The following CR1L variants were observed in gnomAD, a reference collection of about 807,000 sequenced individuals.
CR1L encodes complement component receptor 1-like protein.
In CR1L, 59 loss-of-function variants were observed where a neutral mutation model predicts 62.3. The observed-to-expected ratio is 0.95, with a 90% CI of 0.77 to 1.18. The LOEUF is 1.18. Among genes scored for constraint, CR1L ranks in the 50% most tolerant of loss-of-function variants. The pLI, the probability that CR1L is intolerant of heterozygous loss-of-function variation, is 0.00. For synonymous variants in CR1L, 279 were observed against 248.7 expected, an observed-to-expected ratio of 1.12 and a Z score of -1.15; for missense variants, 700 against 702.8, an observed-to-expected ratio of 1.00 and a Z score of 0.04.
chr1:207,645,364 C>A (rs753271136), intron 1 of CR1L, 34 bp downstream of exon 1: 77 of 1,608,048 alleles, frequency 4.8e-5, no homozygotes, highest in Non-Finnish European at 6.4e-5. Flanking sequence ...GCGTCCGCGG[C>A]GAGGCTAGAG....
chr1:207,668,696 G>A (rs963774493), intron 1 of CR1L, among the ~76,000 whole-genome samples: 1 of 150,960 alleles, frequency 6.6e-6, no homozygotes, highest in Non-Finnish European at 1.5e-5. Flanking sequence ...CTAACCTTAA[G>A]AAAGGAAGTA....
intron 3 of CR1L, among the ~76,000 whole-genome samples, chr1:207,680,799 A>G (rs562083865): frequency 3.9e-5 from 6 of 152,294 alleles, no homozygotes; most frequent in African/African-American, 1.2e-4. Flanking sequence ...TCAGATCACT[A>G]CGCCTTTTCA....
intron 1 of CR1L, among the ~76,000 whole-genome samples, chr1:207,659,945 G>C (rs530325103): frequency 2.6e-5 from 4 of 152,336 alleles, no homozygotes; most frequent in Admixed American, 2.0e-4. Flanking sequence ...GAACTTGGCT[G>C]GGGGAGGAGC....
At chr1:207,715,407 A>T in intron 10 of CR1L, 1 of 1,542,846 alleles carries the variant, frequency 6.5e-7, no homozygotes, top group South Asian at 1.1e-5. Flanking sequence ...CGTGAGTAGA[A>T]AGAACTACGT....
chr1:207,655,115 T>C (rs2102441585), intron 1 of CR1L: 1 of 375,636 alleles, frequency 2.7e-6, no homozygotes, highest in Non-Finnish European at 5.1e-6. Flanking sequence ...AAATAAACCA[T>C]ATAAAAAGTT....
At chr1:207,714,673 C>T (rs1653947101) in intron 10 of CR1L, among the ~76,000 whole-genome samples, 1 of 152,038 alleles carries the variant, frequency 6.6e-6, no homozygotes, top group African/African-American at 2.4e-5. Context: ...TTACAAAGTC[C>T]ACCACCTAAT....
intron 5 of CR1L, among the ~76,000 whole-genome samples, chr1:207,695,484 A>G (rs1664063327): frequency 6.6e-6 from 1 of 152,166 alleles, no homozygotes; most frequent in African/African-American, 2.4e-5. Context: ...TTTCTAAGAT[A>G]TTAACTTGCA....
At chr1:207,678,865 A>G (rs1444688755) in intron 3 of CR1L, among the ~76,000 whole-genome samples, 1 of 152,124 alleles carries the variant, frequency 6.6e-6, no homozygotes, top group Non-Finnish European at 1.5e-5. Context: ...CAGTTTCTGA[A>G]GCCCCAGGCC....
chr1:207,653,513 C>G (rs960087), intron 1 of CR1L, among the ~76,000 whole-genome samples: 55,469 of 152,080 alleles, frequency 0.36, 10,291 homozygotes, highest in Non-Finnish European at 0.4. Flanking sequence ...AAGTAGGGCT[C>G]ACAGAAATGA....
chr1:207,701,785 A>G (rs1016535419), intron 9 of CR1L, 167 bp downstream of exon 9: 8 of 995,614 alleles, frequency 8.0e-6, no homozygotes, highest in African/African-American at 6.4e-5. Context: ...AGATTAGGGG[A>G]AAAATCTGTG....
At chr1:207,704,680 A>T (rs935339351) in intron 9 of CR1L, among the ~76,000 whole-genome samples, 13 of 152,246 alleles carry the variant, frequency 8.5e-5, no homozygotes, top group Admixed American at 6.5e-5. Flanking sequence ...CAGCAAAAAG[A>T]TTGTGACTTA....
At chr1:207,712,497 A>T (rs765411240) in intron 10 of CR1L, among the ~76,000 whole-genome samples, 9 of 152,198 alleles carry the variant, frequency 5.9e-5, no homozygotes, top group Non-Finnish European at 1.3e-4. Context: ...CCCATAACTA[A>T]CAAGTACTCT....
chr1:207,718,677 C>A (rs1281977813), intron 11 of CR1L, among the ~76,000 whole-genome samples: 3 of 152,198 alleles, frequency 2.0e-5, no homozygotes, highest in Non-Finnish European at 4.4e-5. Flanking sequence ...CCTGCCTCGA[C>A]TTTCCAAAGG....
At chr1:207,710,545 C>G (rs1447010303) in intron 10 of CR1L, 8 of 1,609,368 alleles carry the variant, frequency 5.0e-6, no homozygotes, top group South Asian at 1.1e-5. Context: ...ACTGCACCAG[C>G]AAAGATGATC....
At chr1:207,716,107 T>G (rs557491738) in intron 10 of CR1L, among the ~76,000 whole-genome samples, 47 of 152,332 alleles carry the variant, frequency 3.1e-4, no homozygotes, top group African/African-American at 1.1e-3. Flanking sequence ...ACTTTCCATG[T>G]GTAGAAAATG....
intron 7 of CR1L, among the ~76,000 whole-genome samples, chr1:207,698,170 A>G (rs1664135377): frequency 6.6e-6 from 1 of 152,182 alleles, no homozygotes; most frequent in Non-Finnish European, 1.5e-5. Context: ...AAAAAATCCT[A>G]TTTTCAAAAT....
intron 1 of CR1L, among the ~76,000 whole-genome samples, chr1:207,665,080 G>T (rs1305901691): frequency 2.0e-5 from 3 of 152,064 alleles, no homozygotes; most frequent in African/African-American, 7.2e-5. Context: ...TTGAGACGGA[G>T]TCTTGCTCTG....
intron 8 of CR1L, among the ~76,000 whole-genome samples, chr1:207,701,172 G>C (rs562374247): frequency 6.6e-6 from 1 of 152,152 alleles, no homozygotes; most frequent in Non-Finnish European, 1.5e-5. Context: ...AGATTGTGTA[G>C]GAAGACAAAT....
chr1:207,698,608 G>A (rs1195507050), intron 7 of CR1L, among the ~76,000 whole-genome samples: 3 of 152,172 alleles, frequency 2.0e-5, no homozygotes, highest in East Asian at 3.8e-4. Context: ...GGAGGGCATC[G>A]GGGCCCAACA....
Sources: gnomAD v4.1 joint callset for allele counts (sites outside exome capture counted in the v4.1 genomes callset) on GRCh38, gnomAD v4.1.1 for gene constraint, MANE v1.5 for transcripts, NCBI Gene and HGNC (gene_info 2026-07-23, HGNC 2026-07-21) for gene names.